The following SORL1-AS1 variants were observed in gnomAD, a reference collection of about 807,000 sequenced individuals.
SORL1-AS1 encodes the protein SORL1 antisense RNA 1, also known as lncRNA 51 A.
Position 121,450,335 on chromosome 11 carries a change from C to G in SORL1-AS1, n.340-436G>C, listed in dbSNP as rs922303314. 6.6e-6 allele frequency among the ~76,000 whole-genome samples: 1 copy of G among 152,104 alleles called. No homozygotes were observed. Among genetic ancestry groups the G allele is most frequent in the Non-Finnish European group, 1.5e-5 (1 of 68,026 alleles). On this transcript the variant is annotated intron_variant and non_coding_transcript_variant, in intron 1 of 1. Transcript: ENST00000501964. This position sits in a 1 kb window ranked among gnomAD's most constrained non-coding sequence, Gnocchi z 5.2. ...TGGTCCTGAGAGACCATGGGGTTGT[C>G]CATTCCTGGTAAGGTGATGCTGACC...
At chr11:121,440,224 T>C in the SORL1-AS1 span, among the ~76,000 whole-genome samples, 1 of 152,122 alleles carries the variant, frequency 6.6e-6, no homozygotes, top group African/African-American at 2.4e-5. Flanking sequence ...AGTATAAGAA[T>C]TAGCTGGGCC....
chr11:121,452,807 C>T lies in SORL1-AS1; in HGVS notation n.207G>A. 2.0e-6 allele frequency: 1 copy of T among 506,096 alleles called. No homozygotes were observed. The allele number at this position is 506,096 out of a possible 1,614,324, so 31.4% of individuals were successfully genotyped here. ...CGCATTGATCTTTCCTTCTTCCTGT[C>T]GATTTAGTAAACGTATTCCAGGTAA... On this transcript the variant is annotated non_coding_transcript_exon_variant, in exon 1 of 2. Coordinates refer to ENST00000501964, the Ensembl canonical transcript of SORL1-AS1. The surrounding 1 kb of genome is among the most constrained non-coding windows in gnomAD (Gnocchi z 5.3).
chr11:121,452,309 C>G lies in SORL1-AS1; in HGVS notation n.339+366G>C. 1.3e-6 allele frequency: 2 copies of G among 1,487,802 alleles called. No homozygotes were observed. The highest frequency in any genetic ancestry group is 1.8e-6 in the Non-Finnish European group (2 of 1,119,678). The allele number at this position is 1,487,802 out of a possible 1,614,324, so 92.2% of individuals were successfully genotyped here. A position where few individuals can be genotyped will look rare whatever the true frequency, so the allele number is the denominator to read the frequency against. ...ACATTCTCTCCTGGCGGCGGCGCCA[C>G]CTGCAGTAGCGTTCGCCCGAACATG... On this transcript the variant is annotated intron_variant and non_coding_transcript_variant, in intron 1 of 1. Coordinates refer to ENST00000501964, the Ensembl canonical transcript of SORL1-AS1. The surrounding 1 kb of genome is among the most constrained non-coding windows in gnomAD (Gnocchi z 5.3).
Position 121,452,211 on chromosome 11 carries a change from G to A in SORL1-AS1, n.339+464C>T. On this transcript the variant is annotated intron_variant and non_coding_transcript_variant, in intron 1 of 1. Transcript: ENST00000501964. This position sits in a 1 kb window ranked among gnomAD's most constrained non-coding sequence, Gnocchi z 5.3. ...CGGGCGCAGCGGGGCGGCCCGGAGC[G>A]GCGCGGGCGGCCTGGAGCCCCGGGA... The A allele has an allele frequency of 1.7e-6, 1 of 604,876 alleles. No homozygotes were observed. Among genetic ancestry groups the A allele is most frequent in the Non-Finnish European group, 2.2e-6 (1 of 460,370 alleles). 37.5% of individuals were successfully genotyped at this position (604,876 alleles called of 1,614,324 possible).
the SORL1-AS1 span, among the ~76,000 whole-genome samples, chr11:121,442,068 G>A: frequency 3.0e-3 from 457 of 152,320 alleles, 3 homozygotes; most frequent in African/African-American, 0.01. Context: ...GTAAGCTTTA[G>A]TTAATCCTCC....
At chr11:121,444,507 C>A (rs1299127030), downstream of SORL1-AS1, among the ~76,000 whole-genome samples, 1 of 152,228 alleles carries the variant, frequency 6.6e-6, no homozygotes, top group Non-Finnish European at 1.5e-5. Flanking sequence ...GGTGAGTGGG[C>A]TTCTGACGTC....
chr11:121,452,188 G>T lies in SORL1-AS1; in HGVS notation n.339+487C>A, dbSNP rs1159446960. 2 of 297,108 alleles carry T rather than the reference G, an allele frequency of 6.7e-6. No homozygotes were observed. The highest frequency in any genetic ancestry group is 9.9e-6 in the Non-Finnish European group (2 of 201,264). The allele number at this position is 297,108 out of a possible 1,614,324, so 18.4% of individuals were successfully genotyped here. ...GCGGGACCTGGCGGCAGCGGCGGCG[G>T]GCGCAGCGGGGCGGCCCGGAGCGGC... is the stretch of plus-strand genomic sequence containing the variant. On this transcript the variant is annotated intron_variant and non_coding_transcript_variant, in intron 1 of 1. Transcript: ENST00000501964. This position sits in a 1 kb window ranked among gnomAD's most constrained non-coding sequence, Gnocchi z 5.3.
At position 121,452,665 on chromosome 11, in the gene SORL1-AS1, A is replaced by C. The variant is rs186407010; in HGVS notation, n.339+10T>G. On this transcript the variant is annotated intron_variant and non_coding_transcript_variant, in intron 1 of 1. Coordinates refer to ENST00000501964, the Ensembl canonical transcript of SORL1-AS1. This position sits in a 1 kb window ranked among gnomAD's most constrained non-coding sequence, Gnocchi z 5.3. The stretch of plus-strand genomic sequence containing the variant: ...CCCTCCAGTTTTTTCCTCTCCCTGC[A>C]CTTCCTCACCCCCGCATCCATCCGT... 30 of 1,387,856 alleles carry C rather than the reference A, an allele frequency of 2.2e-5. No individual in the cohort carries two copies. In the East Asian group the frequency reaches 8.9e-4, roughly 41 times the overall value. 86.0% of individuals were successfully genotyped at this position (1,387,856 alleles called of 1,614,324 possible).
downstream of SORL1-AS1, among the ~76,000 whole-genome samples, chr11:121,443,652 T>C (rs138172350): frequency 1.5e-4 from 23 of 152,346 alleles, no homozygotes; most frequent in Admixed American, 5.2e-4. Context: ...CTAAGTGTGA[T>C]TGGCACTTGA....
At chr11:121,447,676 C>T (rs147323519) in exon 2 of SORL1-AS1, 1 of 152,074 alleles carries the variant, frequency 6.6e-6, no homozygotes, top group East Asian at 1.9e-4. Context: ...CCAAATCCCT[C>T]GCTAAATTCA....
At chr11:121,451,172 A>C (rs1438202401) in intron 1 of SORL1-AS1, among the ~76,000 whole-genome samples, 1 of 152,160 alleles carries the variant, frequency 6.6e-6, no homozygotes, top group African/African-American at 2.4e-5. Flanking sequence ...CCAGGATCTG[A>C]GTTCAGAGGG....
downstream of SORL1-AS1, among the ~76,000 whole-genome samples, chr11:121,442,432 C>T (rs867996323): frequency 1.3e-5 from 2 of 151,934 alleles, no homozygotes; most frequent in Non-Finnish European, 2.9e-5. Flanking sequence ...GTCAGGAGTT[C>T]GGGCCCAGCC....
downstream of SORL1-AS1, among the ~76,000 whole-genome samples, chr11:121,446,582 C>T (rs997527893): frequency 1.3e-5 from 2 of 152,008 alleles, no homozygotes; most frequent in Non-Finnish European, 1.5e-5. Flanking sequence ...GAAACCCCGT[C>T]TCTACTAAAA....
chr11:121,444,066 T>C (rs970068130), downstream of SORL1-AS1, among the ~76,000 whole-genome samples: 1 of 151,702 alleles, frequency 6.6e-6, no homozygotes, highest in Non-Finnish European at 1.5e-5. Context: ...GCCTGCTTGC[T>C]AAGAAATGTG....
downstream of SORL1-AS1, among the ~76,000 whole-genome samples, chr11:121,442,774 G>T (rs1305333963): frequency 7.0e-6 from 1 of 142,978 alleles, no homozygotes; most frequent in Admixed American, 7.0e-5. Context: ...CGCCTCCCAG[G>T]TTCACGCCAT....
Position 121,452,453 on chromosome 11 carries a change from C to T in SORL1-AS1, n.339+222G>A, listed in dbSNP as rs1322382352. 1 of 1,509,948 alleles carries T rather than the reference C, an allele frequency of 6.6e-7. No homozygotes were observed. The allele number at this position is 1,509,948 out of a possible 1,614,324, so 93.5% of individuals were successfully genotyped here. On this transcript the variant is annotated intron_variant and non_coding_transcript_variant, in intron 1 of 1. Transcript: ENST00000501964. The surrounding 1 kb of genome is among the most constrained non-coding windows in gnomAD (Gnocchi z 5.3). The stretch of plus-strand genomic sequence containing the variant: ...CAGAGGCTGCACGGCGGCAGCGCGC[C>T]CTTGCCCCAGGACCGGGGCTTCCTC...
chr11:121,444,051 C>T (rs566798510), downstream of SORL1-AS1, among the ~76,000 whole-genome samples: 1 of 152,084 alleles, frequency 6.6e-6, no homozygotes, highest in Non-Finnish European at 1.5e-5. Flanking sequence ...GTGTGATGGC[C>T]TCTAGCCTGC....
chr11:121,442,377 G>A (rs1304613159), downstream of SORL1-AS1, among the ~76,000 whole-genome samples: 1 of 152,180 alleles, frequency 6.6e-6, no homozygotes, highest in Non-Finnish European at 1.5e-5. Context: ...GCTCACATTT[G>A]TAATCCCAGA....
intron 1 of SORL1-AS1, among the ~76,000 whole-genome samples, chr11:121,451,686 GC>G (rs903549514): frequency 6.6e-6 from 1 of 152,174 alleles, no homozygotes; most frequent in Non-Finnish European, 1.5e-5. Context: ...TTTTGCTGTG[GC>G]CCCTGCAAAT....
Sources: gnomAD v4.1 joint callset for allele counts (sites outside exome capture counted in the v4.1 genomes callset) on GRCh38, gnomAD v4.1.1 for gene constraint, Gnocchi (gnomAD v3.1) non-coding constraint, MANE v1.5 for transcripts, NCBI Gene and HGNC (gene_info 2026-07-23, HGNC 2026-07-21) for gene names.